The following RGS17 variants were observed in gnomAD, a reference collection of about 807,000 sequenced individuals.
The protein encoded by RGS17 is regulator of G protein signaling 17, also known as regulator of G-protein signaling 17.
In RGS17, 12 loss-of-function variants were observed where a neutral mutation model predicts 25.5. That is an observed-to-expected ratio of 0.47 (90% confidence interval 0.30 to 0.76). The LOEUF (loss-of-function observed/expected upper bound fraction) is 0.76. Among genes scored for constraint, RGS17 ranks in the 30% least tolerant of loss-of-function variants. RGS17 has a pLI of 0.07. For missense variants in RGS17, 196 were observed against 242.2 expected, an observed-to-expected ratio of 0.81 and a Z score of 1.27; for synonymous variants, 71 against 76.9, an observed-to-expected ratio of 0.92 and a Z score of 0.40.
chr6:153,088,571 T>C (rs1432044362), intron 1 of RGS17, among the ~76,000 whole-genome samples: 1 of 152,184 alleles, frequency 6.6e-6, no homozygotes, highest in Non-Finnish European at 1.5e-5. Flanking sequence ...GATATTTGGA[T>C]CTTATAAACT....
chr6:153,072,423 A>G (rs887430635), intron 1 of RGS17, among the ~76,000 whole-genome samples: 5 of 152,166 alleles, frequency 3.3e-5, no homozygotes, highest in African/African-American at 1.2e-4. Context: ...TTTATTGAGG[A>G]GTTTTTACAT....
intron 1 of RGS17, among the ~76,000 whole-genome samples, chr6:153,079,091 T>C (rs1283412693): frequency 1.3e-5 from 2 of 152,214 alleles, no homozygotes; most frequent in South Asian, 2.1e-4. Flanking sequence ...AATTTTTTTT[T>C]TTTTTGAGAT....
At chr6:153,083,412 G>A (rs962638735) in intron 1 of RGS17, among the ~76,000 whole-genome samples, 1 of 152,058 alleles carries the variant, frequency 6.6e-6, no homozygotes, top group Non-Finnish European at 1.5e-5. Context: ...ACAAACCAAG[G>A]TCTATGCCGT....
intron 1 of RGS17, among the ~76,000 whole-genome samples, chr6:153,086,824 T>A (rs1343115180): frequency 6.6e-6 from 1 of 152,238 alleles, no homozygotes; most frequent in African/African-American, 2.4e-5. Flanking sequence ...TTTCACATTA[T>A]TATTCATGCA....
rs539859465 is a variant in RGS17, at chr6:153,054,975, C to T, written c.-25-10932G>A. On this transcript the variant is annotated intron_variant, in intron 1 of 4. Coordinates refer to ENST00000206262, the MANE Select transcript of RGS17 (RefSeq NM_012419.5). The stretch of plus-strand genomic sequence containing the variant: ...GTGTTTCCAGTCTAAACTTCTGGAC[C>T]GCCCAGCAAGCAATGAGGTATAATA... Among the ~76,000 whole-genome samples the T allele has an allele frequency of 5.9e-5, 9 of 152,260 alleles. No homozygotes were observed. The East Asian group carries it at 1.2e-3, about 20-fold the overall frequency.
In RGS17 at chr6:153,130,908, C is replaced by A. The variant is rs1242853140; in HGVS notation, c.-26+216G>T. ...GCGACGCGGGATTCAACTTCCCGGA[C>A]CCGCGGCGCGGCCCCCGCTCCCGCT... On this transcript the variant is annotated intron_variant, in intron 1 of 4. Coordinates refer to ENST00000206262, the MANE Select transcript of RGS17 (RefSeq NM_012419.5). The surrounding 1 kb of genome is among the most constrained non-coding windows in gnomAD (Gnocchi z 6.4). 2.0e-5 allele frequency among the ~76,000 whole-genome samples: 3 copies of A among 151,920 alleles called. No individual in the cohort carries two copies. Among genetic ancestry groups the A allele is most frequent in the Non-Finnish European group, 4.4e-5 (3 of 67,950 alleles).
chr6:153,046,318 T>C (rs1476564586), intron 1 of RGS17, among the ~76,000 whole-genome samples: 1 of 151,910 alleles, frequency 6.6e-6, no homozygotes, highest in Non-Finnish European at 1.5e-5. Flanking sequence ...AATATATAGT[T>C]TTAAATAGCT....
rs180991293 is a variant in RGS17 at position 153,125,551 on chromosome 6, T to G, written c.-26+5573A>C. On this transcript the variant is annotated intron_variant, in intron 1 of 4. Transcript: ENST00000206262. ...TCAGGTTTTACTGTATTTGATAAACTGGTACCACTGATGATTATAAAATTT... is the reference window on the plus strand; with the variant it reads ...TCAGGTTTTACTGTATTTGATAAACGGGTACCACTGATGATTATAAAATTT... 2.0e-3 allele frequency among the ~76,000 whole-genome samples: 304 copies of G among 152,330 alleles called. 3 individuals are homozygous for G. The highest frequency in any genetic ancestry group is 6.9e-3 in the African/African-American group (286 of 41,576).
At chr6:153,105,797 C>A (rs3870365) in intron 1 of RGS17, among the ~76,000 whole-genome samples, 3 of 151,920 alleles carry the variant, frequency 2.0e-5, no homozygotes, top group Non-Finnish European at 2.9e-5. Flanking sequence ...TGGTGGCAGC[C>A]AAGGACAGAC....
chr6:153,083,866 C>T (rs1296176525), intron 1 of RGS17, among the ~76,000 whole-genome samples: 1 of 152,168 alleles, frequency 6.6e-6, no homozygotes. Flanking sequence ...TGTAATACAG[C>T]TCTCCTGATA....
At chr6:153,016,641 ATATT>A (rs1351783028) in intron 4 of RGS17, among the ~76,000 whole-genome samples, 1 of 152,246 alleles carries the variant, frequency 6.6e-6, no homozygotes, top group Admixed American at 6.5e-5. Flanking sequence ...ATACAGTTCA[ATATT>A]TAGTAATCTA....
At chr6:153,042,671 A>G (rs1776337328) in intron 2 of RGS17, among the ~76,000 whole-genome samples, 1 of 152,228 alleles carries the variant, frequency 6.6e-6, no homozygotes, top group African/African-American at 2.4e-5. Context: ...GGGAAGCAAT[A>G]TTGATATCTA....
At chr6:153,096,201 T>C (rs529441219) in intron 1 of RGS17, among the ~76,000 whole-genome samples, 2,268 of 40,904 alleles carry the variant, frequency 0.055, 49 homozygotes, top group Admixed American at 0.14. Context: ...GCCTGCCAGA[T>C]GGAAGATACA....
intron 1 of RGS17, among the ~76,000 whole-genome samples, chr6:153,095,339 G>A (rs1212089493): frequency 6.6e-6 from 1 of 151,990 alleles, no homozygotes; most frequent in African/African-American, 2.4e-5. Flanking sequence ...TAAAACTGAA[G>A]TGGCAAAAAG....
chr6:153,065,406 G>A (rs189930050), intron 1 of RGS17, among the ~76,000 whole-genome samples: 1 of 152,280 alleles, frequency 6.6e-6, no homozygotes, highest in African/African-American at 2.4e-5. Context: ...CAGACAGAAA[G>A]TCAATAATCA....
intron 1 of RGS17, among the ~76,000 whole-genome samples, chr6:153,054,092 T>TATATATATATATATATATA (rs1393844507): frequency 2.4e-5 from 1 of 42,096 alleles, no homozygotes; most frequent in Non-Finnish European, 3.8e-5. Context: ...ACAATATTTT[T>TATATATATATATATATATA]TATATATATA....
chr6:153,081,049 T>C (rs1776971687), intron 1 of RGS17, among the ~76,000 whole-genome samples: 1 of 152,166 alleles, frequency 6.6e-6, no homozygotes, highest in South Asian at 2.1e-4. Context: ...TATATATTTA[T>C]GTGTACTTGA....
chr6:153,079,004 CTTTTCT>C (rs1180395967), intron 1 of RGS17, among the ~76,000 whole-genome samples: 1 of 151,938 alleles, frequency 6.6e-6, no homozygotes, highest in Non-Finnish European at 1.5e-5. Flanking sequence ...TTTCTTCTTC[CTTTTCT>C]ATCTGTATTT....
chr6:153,020,101 A>T (rs1292827), intron 4 of RGS17, among the ~76,000 whole-genome samples: 11,021 of 35,240 alleles, frequency 0.31, 1,578 homozygotes, highest in African/African-American at 0.4. Flanking sequence ...CAAATATCTT[A>T]AAAAAAAAAA....
Sources: gnomAD v4.1 joint callset for allele counts (sites outside exome capture counted in the v4.1 genomes callset) on GRCh38, gnomAD v4.1.1 for gene constraint, Gnocchi (gnomAD v3.1) non-coding constraint, MANE v1.5 for transcripts, NCBI Gene and HGNC (gene_info 2026-07-23, HGNC 2026-07-21) for gene names.